Variants in ELK4 observed in about 807,000 individuals in gnomAD.
ELK4 encodes ETS domain-containing protein Elk-4.
Under a neutral mutation model 29.6 loss-of-function variants are expected in ELK4, and 16 were observed. That is an observed-to-expected ratio of 0.54 (90% CI 0.37 to 0.82). ELK4 has a LOEUF of 0.82. Ranked by LOEUF, ELK4 falls within the 40% of genes least tolerant of loss-of-function variation. ELK4 has a pLI of 0.00. For synonymous variants in ELK4, 213 were observed against 191.1 expected (o/e 1.11, Z -0.95); for missense variants, 465 against 507.1 (o/e 0.92, Z 0.80).
chr1:205,629,068 G>C (rs1467935239), intron 1 of ELK4, among the ~76,000 whole-genome samples: 1 of 151,378 alleles, frequency 6.6e-6, no homozygotes, highest in Admixed American at 6.6e-5. Context: ...CAGCTACTCG[G>C]CAGGCTGAGG....
In ELK4 at chr1:205,620,505, G is replaced by C. The variant is rs753947037; in HGVS notation, c.541C>G (p.Pro181Ala). ...PAEKLAEKKS[P>A]QEPTPSVIKF... ...ATGACAGATGGTGTGGGCTCCTGAG[G>C]AGATTTTTTCTCTGCCAGTTTCTCG... The change falls in exon 3 of 5, where the codon CCT (proline) becomes GCT (alanine). Residue 181 changes from proline to alanine, a missense_variant. Coordinates refer to ENST00000357992, the MANE Select transcript of ELK4 (RefSeq NM_001973.4). 8 of 1,614,184 alleles carry C rather than the reference G, an allele frequency of 5.0e-6. No homozygotes were observed. The highest frequency in any genetic ancestry group is 6.8e-6 in the Non-Finnish European group (8 of 1,180,020).
chr1:205,615,939 C>G lies in ELK4; in HGVS notation c.*607G>C, dbSNP rs116426872. ...ACCCTGAATAAAGGTAAACAAGATG[C>G]CTTTTCATGGAGTTGCTTACACGTT... On this transcript the variant is annotated 3_prime_UTR_variant, in exon 5 of 5. Coordinates refer to ENST00000357992, the MANE Select transcript of ELK4 (RefSeq NM_001973.4). The G allele has an allele frequency of 4.6e-6, 1 of 218,066 alleles. No individual in the cohort carries two copies. 13.5% of individuals were successfully genotyped at this position (218,066 alleles called of 1,614,324 possible). A position where few individuals can be genotyped will look rare whatever the true frequency, so the allele number is the denominator to read the frequency against.
Position 205,614,658 on chromosome 1 carries a change from G to A in ELK4, c.*1888C>T, listed in dbSNP as rs1333999620. The A allele has an allele frequency of 1.3e-5, 3 of 225,396 alleles. No individual in the cohort carries two copies. In the East Asian group the frequency reaches 1.9e-4, roughly 14 times the overall value. The allele number at this position is 225,396 out of a possible 1,614,324, so 14.0% of individuals were successfully genotyped here. A position where few individuals can be genotyped will look rare whatever the true frequency, so the allele number is the denominator to read the frequency against. On this transcript the variant is annotated 3_prime_UTR_variant, in exon 5 of 5. Coordinates refer to ENST00000357992, the MANE Select transcript of ELK4 (RefSeq NM_001973.4). Reference sequence around the variant, plus strand: ...CCCTCTACTACTACTAAGTTAGCTAGCATAGATGTCTTCTTATACAAGAGC... The same window carrying A: ...CCCTCTACTACTACTAAGTTAGCTAACATAGATGTCTTCTTATACAAGAGC...
chr1:205,623,935 C>A, intron 1 of ELK4, 44 bp from the exon 2 acceptor site: 1 of 1,560,588 alleles, frequency 6.4e-7, no homozygotes. Context: ...TAACAGCCAA[C>A]ACCTATTTAA....
intron 1 of ELK4, among the ~76,000 whole-genome samples, chr1:205,626,855 T>C (rs1193883100): frequency 6.6e-6 from 1 of 152,142 alleles, no homozygotes; most frequent in Non-Finnish European, 1.5e-5. Context: ...CACAGGACTG[T>C]TCATAGCAGA....
At position 205,618,975 on chromosome 1, in the gene ELK4, A is replaced by C. The variant is rs1212530360; in HGVS notation, c.1179T>G (p.Gly393=). 1.1e-5 allele frequency: 17 copies of C among 1,610,150 alleles called. No homozygotes were observed. The highest frequency in any genetic ancestry group is 1.4e-5 in the Non-Finnish European group (17 of 1,178,510). Residue 393 remains glycine, a synonymous_variant, in exon 4 of 5, where the codon GGT becomes GGG. Transcript: ENST00000357992. ...AAATTACCTGGAAAAGTGTGTTAGCACCTTGCAGTCTGGCTGGACTTAGGG... is the reference window on the plus strand; with the variant it reads ...AAATTACCTGGAAAAGTGTGTTAGCCCCTTGCAGTCTGGCTGGACTTAGGG... ...VAPLSPARLQ[G]ANTLFQFPSV...
rs763623275 is a variant in ELK4 at position 205,631,704 on chromosome 1, C to T, written c.-82G>A. The T allele has an allele frequency of 4.1e-5, 14 of 341,224 alleles. No individual in the cohort carries two copies. In the Middle Eastern group the frequency reaches 2.9e-3, roughly 71 times the overall value. 21.1% of individuals were successfully genotyped at this position (341,224 alleles called of 1,614,324 possible). A position where few individuals can be genotyped will look rare whatever the true frequency, so the allele number is the denominator to read the frequency against. On this transcript the variant is annotated 5_prime_UTR_variant, in exon 1 of 5. Transcript: ENST00000357992. ...GCGCCTCTCCGCCCTCAGCCTCCTC[C>T]TCACGCTGGAAACTCGAGGACGGCG...
At chr1:205,628,911 C>T (rs1670517823) in intron 1 of ELK4, among the ~76,000 whole-genome samples, 1 of 151,264 alleles carries the variant, frequency 6.6e-6, no homozygotes, top group South Asian at 2.1e-4. Context: ...CAGTGGCTCA[C>T]GCCTATAATC....
At position 205,617,963 on chromosome 1, in the gene ELK4, A is replaced by G. The variant is rs201563951; in HGVS notation, c.1197+994T>C. Reference sequence around the variant, plus strand: ...GAACCTATGTGCAGAGATCCCCCATATATGTGTGTGTGTGTGTGTGTGAGA... The same window carrying G: ...GAACCTATGTGCAGAGATCCCCCATGTATGTGTGTGTGTGTGTGTGTGAGA... On this transcript the variant is annotated intron_variant, in intron 4 of 4. Coordinates refer to ENST00000357992, the MANE Select transcript of ELK4 (RefSeq NM_001973.4). Among the ~76,000 whole-genome samples the G allele has an allele frequency of 4.2e-5, 6 of 143,182 alleles. No individual in the cohort carries two copies. In the East Asian group the frequency reaches 8.0e-4, roughly 19 times the overall value. The allele number at this position is 143,182 out of a possible 152,430, so 93.9% of individuals were successfully genotyped here.
Position 205,614,738 on chromosome 1 carries a change from C to A in ELK4, c.*1808G>T. 4.4e-6 allele frequency: 1 copy of A among 226,342 alleles called. No individual in the cohort carries two copies. The highest frequency in any genetic ancestry group is 8.8e-6 in the Non-Finnish European group (1 of 113,764). The allele number at this position is 226,342 out of a possible 1,614,324, so 14.0% of individuals were successfully genotyped here. ...AGTAAATACCATGCATCTGAAGATGCTAGTTTGTAACAGTGTCAGTCTGAG... is the reference window on the plus strand; with the variant it reads ...AGTAAATACCATGCATCTGAAGATGATAGTTTGTAACAGTGTCAGTCTGAG... On this transcript the variant is annotated 3_prime_UTR_variant, in exon 5 of 5. Transcript: ENST00000357992.
intron 4 of ELK4, 150 bp downstream of exon 4, chr1:205,618,807 G>A: frequency 4.0e-6 from 2 of 505,540 alleles, no homozygotes; most frequent in Non-Finnish European, 6.8e-6. Flanking sequence ...TGGGTGACAT[G>A]GTGAGGACTC....
chr1:205,621,239 T>C lies in ELK4; in HGVS notation c.208-401A>G, dbSNP rs1670342124. On this transcript the variant is annotated intron_variant, in intron 2 of 4. Coordinates refer to ENST00000357992, the MANE Select transcript of ELK4 (RefSeq NM_001973.4). ...AAAAAAGAAAAAGCTGGTAATGAGG[T>C]TCTCCATTTTAGAAGTAGACATCAC... 2.0e-5 allele frequency among the ~76,000 whole-genome samples: 3 copies of C among 146,516 alleles called. No individual in the cohort carries two copies. In the South Asian group the frequency reaches 6.5e-4, roughly 32 times the overall value.
At chr1:205,621,068 G>A (rs1296061678) in intron 2 of ELK4, among the ~76,000 whole-genome samples, 2 of 151,808 alleles carry the variant, frequency 1.3e-5, no homozygotes, top group Admixed American at 6.6e-5. Flanking sequence ...GGTGGCGTGC[G>A]CCTGTAGTCC....
intron 1 of ELK4, among the ~76,000 whole-genome samples, chr1:205,628,653 CATA>C (rs1299752635): frequency 6.6e-6 from 1 of 152,178 alleles, no homozygotes; most frequent in Non-Finnish European, 1.5e-5. Context: ...TTAACGTCTC[CATA>C]ATGAGCACCC....
chr1:205,625,152 T>A (rs1670428078), intron 1 of ELK4, among the ~76,000 whole-genome samples: 1 of 152,090 alleles, frequency 6.6e-6, no homozygotes, highest in East Asian at 1.9e-4. Context: ...AGATCAAAAC[T>A]GGACTACAAC....
chr1:205,629,569 T>C (rs908363985), intron 1 of ELK4, among the ~76,000 whole-genome samples: 5 of 151,828 alleles, frequency 3.3e-5, no homozygotes, highest in Non-Finnish European at 5.9e-5. Flanking sequence ...ATACAAAAAT[T>C]ACCTGGGCGT....
rs771457204 is a variant in ELK4 at position 205,615,790 on chromosome 1, T to A, written c.*756A>T. On this transcript the variant is annotated 3_prime_UTR_variant, in exon 5 of 5. Coordinates refer to ENST00000357992, the MANE Select transcript of ELK4 (RefSeq NM_001973.4). Reference sequence around the variant, plus strand: ...CTGTGCTAGATGTGAGGTCCCATATTCTTACTAGGTGTTCCAAAAACTGTC... The same window carrying A: ...CTGTGCTAGATGTGAGGTCCCATATACTTACTAGGTGTTCCAAAAACTGTC... The A allele has an allele frequency of 1.4e-5, 3 of 211,120 alleles. No homozygotes were observed. Among genetic ancestry groups the A allele is most frequent in the Non-Finnish European group, 2.9e-5 (3 of 104,202 alleles). 13.1% of individuals were successfully genotyped at this position (211,120 alleles called of 1,614,324 possible). A position where few individuals can be genotyped will look rare whatever the true frequency, so the allele number is the denominator to read the frequency against.
chr1:205,619,341 T>C (rs1031196008), intron 3 of ELK4: 4 of 1,071,298 alleles, frequency 3.7e-6, no homozygotes, highest in Middle Eastern at 4.1e-4. Context: ...GATGAGTTCT[T>C]TGGTGGTAAA....
At chr1:205,626,665 AAGAC>A (rs1489005056) in intron 1 of ELK4, among the ~76,000 whole-genome samples, 1 of 152,232 alleles carries the variant, frequency 6.6e-6, no homozygotes, top group Non-Finnish European at 1.5e-5. Flanking sequence ...GGCTATAATC[AAGAC>A]AGACAGACAA....
Sources: gnomAD v4.1 joint callset for allele counts (sites outside exome capture counted in the v4.1 genomes callset) on GRCh38, gnomAD v4.1.1 for gene constraint, MANE v1.5 for transcripts, NCBI Gene and HGNC (gene_info 2026-07-23, HGNC 2026-07-21) for gene names.